The following OXA1L variants were observed in gnomAD, a reference collection of about 807,000 sequenced individuals.
OXA1L encodes the protein mitochondrial inner membrane protein OXA1L.
In OXA1L, 42 loss-of-function variants were observed where a neutral mutation model predicts 52.2. The ratio of observed to expected loss-of-function variants is 0.80; its 90% CI spans 0.63 to 1.04. The LOEUF is 1.04. Among genes scored for constraint, OXA1L ranks in the 50% least tolerant of loss-of-function variants. The pLI is 0.00. For synonymous variants in OXA1L, 239 were observed against 201.9 expected (o/e 1.18, Z -1.56); for missense variants, 572 against 555.0 (o/e 1.03, Z -0.31).
At chr14:22,771,224 TA>T (rs1397792419) in intron 8 of OXA1L, 43 bp from the exon 9 acceptor site, 2 of 1,612,904 alleles carry the variant, frequency 1.2e-6, no homozygotes, top group Non-Finnish European at 1.7e-6. Flanking sequence ...GAAAGGGGTC[TA>T]AAAATAGGAA....
chr14:22,770,402 G>A (rs1290177435), intron 5 of OXA1L, 59 bp from the exon 6 acceptor site: 2 of 1,585,834 alleles, frequency 1.3e-6, no homozygotes, highest in Non-Finnish European at 1.7e-6. Context: ...TTCAGTAGTG[G>A]GGTGATGAAA....
chr14:22,770,546 G>A lies in OXA1L; in HGVS notation c.755G>A (p.Trp252Ter), dbSNP rs765116831. 7.4e-6 allele frequency: 12 copies of A among 1,614,166 alleles called. No individual in the cohort carries two copies. In the African/African-American group the frequency reaches 1.2e-4, roughly 16 times the overall value. ...VPSLQTGGLWWFQDLTVSDPI... is the reference protein window; with the variant it reads ...VPSLQTGGLW ...AGCCTGCAGACAGGTGGCCTCTGGT[G>A]GTTCCAGGATCTCACGGTATCCGAT... Residue 252 changes from tryptophan to a stop codon, truncating the protein, a stop_gained, in exon 6 of 10, where the codon TGG (tryptophan) becomes TAG (stop). Transcript: ENST00000612549. LOFTEE classifies it high-confidence loss of function.
rs1260421113 is a variant in OXA1L, at chr14:22,772,925, G to C, written c.*1367G>C. The C allele has an allele frequency of 5.1e-6, 1 of 196,394 alleles. No homozygotes were observed. The highest frequency in any genetic ancestry group is 1.0e-5 in the Non-Finnish European group (1 of 95,430). 12.2% of individuals were successfully genotyped at this position (196,394 alleles called of 1,614,324 possible). ...GGATAGCTTAAGCCCAGGAGGTTGA[G>C]GCTGCAGTGATCCAAGATCATGCTG... On this transcript the variant is annotated 3_prime_UTR_variant, in exon 10 of 10. Coordinates refer to ENST00000612549, the MANE Select transcript of OXA1L (RefSeq NM_005015.5).
rs1420180810 is a variant in OXA1L at position 22,770,454 on chromosome 14, G to A, written c.670-7G>A. The A allele has an allele frequency of 1.2e-6, 2 of 1,612,192 alleles. No homozygotes were observed. Among genetic ancestry groups the A allele is most frequent in the South Asian group, 1.1e-5 (1 of 91,044 alleles). ...AGCATGCTGACACTGTTTATCTTGTGTAATAGGCCCCAATCTTCATCTCCT... is the reference window on the plus strand; with the variant it reads ...AGCATGCTGACACTGTTTATCTTGTATAATAGGCCCCAATCTTCATCTCCT... On this transcript the variant is annotated splice_region_variant and splice_polypyrimidine_tract_variant and intron_variant, in intron 5 of 9. Coordinates refer to ENST00000612549, the MANE Select transcript of OXA1L (RefSeq NM_005015.5).
At chr14:22,767,549 C>G in intron 2 of OXA1L, 140 bp downstream of exon 2, 1 of 670,008 alleles carries the variant, frequency 1.5e-6, no homozygotes, top group Non-Finnish European at 2.5e-6. Context: ...GATAGCATCT[C>G]TGCTTAGGAT....
chr14:22,771,641 C>T lies in OXA1L; in HGVS notation c.*83C>T, dbSNP rs2038466780. On this transcript the variant is annotated 3_prime_UTR_variant, in exon 10 of 10. Transcript: ENST00000612549. ...AACAAGACTTGACACTGTGTCCTTG[C>T]CCCAGTCCTAGGAACTGTGGCACAC... is the stretch of plus-strand genomic sequence containing the variant. 20 of 1,417,334 alleles carry T rather than the reference C, an allele frequency of 1.4e-5. No homozygotes were observed. The highest frequency in any genetic ancestry group is 8.5e-5 in the Admixed American group (5 of 59,028). 87.8% of individuals were successfully genotyped at this position (1,417,334 alleles called of 1,614,324 possible). A position where few individuals can be genotyped will look rare whatever the true frequency, so the allele number is the denominator to read the frequency against.
In OXA1L at chr14:22,770,241, T is replaced by G; in HGVS notation, c.632T>G (p.Ile211Ser). 1.2e-6 allele frequency: 2 copies of G among 1,612,440 alleles called. No individual in the cohort carries two copies. Among genetic ancestry groups the G allele is most frequent in the Non-Finnish European group, 1.7e-6 (2 of 1,178,490 alleles). ...EMALYQKKHG[I>S]KLYKPLILPV... is the part of the protein sequence containing the mutation. ...GCACTTTACCAGAAAAAACATGGTATTAAACTCTATAAACCTCTCATTCTC... is the reference window on the plus strand; with the variant it reads ...GCACTTTACCAGAAAAAACATGGTAGTAAACTCTATAAACCTCTCATTCTC... The change falls in exon 5 of 10, where the codon ATT (isoleucine) becomes AGT (serine). Residue 211 changes from isoleucine to serine, a missense_variant. Physicochemically the swap from Ile to Ser is moderately radical, Grantham distance 142. Coordinates refer to ENST00000612549, the MANE Select transcript of OXA1L (RefSeq NM_005015.5).
chr14:22,768,678 C>G lies in OXA1L; in HGVS notation c.439+507C>G, dbSNP rs530900936. 5.7e-5 allele frequency: 9 copies of G among 157,304 alleles called. No homozygotes were observed. The South Asian group carries it at 1.5e-3, about 26-fold the overall frequency. 9.7% of individuals were successfully genotyped at this position (157,304 alleles called of 1,614,324 possible). The stretch of plus-strand genomic sequence containing the variant: ...CCATGTGTTACCTGGGGGAAGGTTT[C>G]TTCCCTTCATCCTTAGTTCCCCTTC... On this transcript the variant is annotated intron_variant, in intron 3 of 9. Transcript: ENST00000612549.
Position 22,772,333 on chromosome 14 carries a change from A to G in OXA1L, c.*775A>G, listed in dbSNP as rs1447857167. ...CCCCGTCTCTACTAAAAAAAAAAAA[A>G]AAAAAATTAGCCGGGCATGGCGGCG... is the stretch of plus-strand genomic sequence containing the variant. On this transcript the variant is annotated 3_prime_UTR_variant, in exon 10 of 10. Transcript: ENST00000612549. The G allele has an allele frequency of 6.6e-6, 1 of 150,484 alleles. No individual in the cohort carries two copies. The highest frequency in any genetic ancestry group is 2.0e-4 in the East Asian group (1 of 5,062). The allele number at this position is 150,484 out of a possible 1,614,324, so 9.3% of individuals were successfully genotyped here.
rs567034348 is a variant in OXA1L, at chr14:22,770,535, T to G, written c.744T>G (p.Gly248=). ...ANLPVPSLQT[G]GLWWFQDLTV... ...TTCCTGTGCCCAGCCTGCAGACAGG[T>G]GGCCTCTGGTGGTTCCAGGATCTCA... The change falls in exon 6 of 10, where the codon GGT becomes GGG. Residue 248 remains glycine (G), a synonymous_variant. Transcript: ENST00000612549. 6.2e-7 allele frequency: 1 copy of G among 1,614,190 alleles called. No individual in the cohort carries two copies. Among genetic ancestry groups the G allele is most frequent in the African/African-American group, 1.3e-5 (1 of 75,048 alleles).
Position 22,770,833 on chromosome 14 carries a change from C to G in OXA1L, c.863C>G (p.Ser288Cys), listed in dbSNP as rs145636488. 1.4e-4 allele frequency: 222 copies of G among 1,614,198 alleles called. 1 individual carries two copies. In the African/African-American group the frequency reaches 2.6e-3, roughly 19 times the overall value. Residue 288 changes from serine (S) to cysteine (C), a missense_variant, in exon 7 of 10, where the codon TCT (serine) becomes TGT (cysteine). By Grantham distance (112) the Ser-to-Cys change is moderately radical. This residue lies in a region of OXA1L where 244 missense variants were observed against 240.2 expected (regional missense o/e 1.02). Transcript: ENST00000612549. ...ELGAETGVQS[S>C]DLQWMRNVIR... Reference sequence around the variant, plus strand: ...GGTGCTGAGACAGGTGTGCAAAGTTCTGACCTTCAGTGGATGAGAAATGTC... The same window carrying G: ...GGTGCTGAGACAGGTGTGCAAAGTTGTGACCTTCAGTGGATGAGAAATGTC...
chr14:22,769,828 C>G lies in OXA1L; in HGVS notation c.477C>G (p.Ile159Met). 6.2e-7 allele frequency: 1 copy of G among 1,614,142 alleles called. No homozygotes were observed. The highest frequency in any genetic ancestry group is 8.5e-7 in the Non-Finnish European group (1 of 1,179,998). ...VFARCLIFPL[I>M]VTGQREAARI... ...CCCGCTGCCTGATTTTTCCTCTCAT[C>G]GTGACGGGCCAGCGAGAGGCAGCCA... Residue 159 changes from isoleucine to methionine, a missense_variant, in exon 4 of 10, where the codon ATC becomes ATG. By Grantham distance (10) the Ile-to-Met change is conservative. Around this residue, in one of 5 missense-constraint regions of OXA1L, gnomAD observed 132 missense variants for 124.0 expected, o/e 1.06. Transcript: ENST00000612549.
rs371565550 is a variant in OXA1L, at chr14:22,771,110, C to T, written c.1032C>T (p.Ile344=). 1.2e-5 allele frequency: 19 copies of T among 1,614,020 alleles called. No homozygotes were observed. In the African/African-American group the frequency reaches 2.4e-4, roughly 20 times the overall value. ...RIPAVRTVLK[I]PQRVVHDLDK... ...CAGCAGTACGCACTGTACTTAAAATCCCCCAGCGTGTTGTACATGACCTGG... is the reference window on the plus strand; with the variant it reads ...CAGCAGTACGCACTGTACTTAAAATTCCCCAGCGTGTTGTACATGACCTGG... Residue 344 remains isoleucine (I), a synonymous_variant, in exon 8 of 10, where the codon ATC becomes ATT. Transcript: ENST00000612549.
intron 3 of OXA1L, 42 bp from the exon 4 acceptor site, chr14:22,769,749 A>G: frequency 3.1e-6 from 5 of 1,611,372 alleles, no homozygotes; most frequent in Non-Finnish European, 4.2e-6. Flanking sequence ...CTAGCTGCAG[A>G]ACTGCTTTAA....
Position 22,772,699 on chromosome 14 carries a change from A to T in OXA1L, c.*1141A>T, listed in dbSNP as rs1469594793. The T allele has an allele frequency of 6.6e-6, 1 of 152,336 alleles. No homozygotes were observed. The highest frequency in any genetic ancestry group is 6.5e-5 in the Admixed American group (1 of 15,280). 9.4% of individuals were successfully genotyped at this position (152,336 alleles called of 1,614,324 possible). On this transcript the variant is annotated 3_prime_UTR_variant, in exon 10 of 10. Coordinates refer to ENST00000612549, the MANE Select transcript of OXA1L (RefSeq NM_005015.5). The stretch of plus-strand genomic sequence containing the variant: ...TGTGTGCAAATTCTTAGTGATAATT[A>T]AGAATGAAAGTTCCAGGCTGGGCAA...
intron 3 of OXA1L, chr14:22,768,956 T>C (rs1440588674): frequency 1.3e-5 from 2 of 152,158 alleles, no homozygotes; most frequent in African/African-American, 4.8e-5. Flanking sequence ...GGAGTCTTGC[T>C]CTGTCACCCA....
rs2038452199 is a variant in OXA1L at position 22,770,814 on chromosome 14, G to A, written c.844G>A (p.Glu282Lys). ...CCACTTCTTTTGGCAGCTAGGTGCT[G>A]AGACAGGTGTGCAAAGTTCTGACCT... The part of the protein sequence containing the change: ...TMWAVLELGA[E>K]TGVQSSDLQW... The change falls in exon 7 of 10, where the codon GAG becomes AAG. Residue 282 changes from glutamate to lysine, a missense_variant. Physicochemically the swap from Glu to Lys is moderately conservative, Grantham distance 56. This residue lies in a region of OXA1L where 244 missense variants were observed against 240.2 expected (regional missense o/e 1.02). Coordinates refer to ENST00000612549, the MANE Select transcript of OXA1L (RefSeq NM_005015.5). 6.2e-7 allele frequency: 1 copy of A among 1,614,028 alleles called. No individual in the cohort carries two copies. The highest frequency in any genetic ancestry group is 8.5e-7 in the Non-Finnish European group (1 of 1,179,862).
intron 3 of OXA1L, 143 bp downstream of exon 3, chr14:22,768,314 C>T: frequency 1.6e-6 from 1 of 640,350 alleles, no homozygotes; most frequent in African/African-American, 1.8e-5. Context: ...TTCATGATAC[C>T]TAGATGCACT....
rs115891437 is a variant in OXA1L, at chr14:22,767,389, A to G, written c.205A>G (p.Ile69Val). ...CCCCCGCAGCCTCAGTACCTCTGCT[A>G]TCTCTTTTGCAGAAGTCCAGGTAAG... Reference protein sequence around the residue: ...SGPRSLSTSAISFAEVQVQAP... With the variant: ...SGPRSLSTSAVSFAEVQVQAP... The change falls in exon 2 of 10, where the codon ATC (isoleucine) becomes GTC (valine). Residue 69 changes from isoleucine (I) to valine (V), a missense_variant. By Grantham distance (29) the Ile-to-Val change is conservative. Coordinates refer to ENST00000612549, the MANE Select transcript of OXA1L (RefSeq NM_005015.5). 389 of 1,609,882 alleles carry G rather than the reference A, an allele frequency of 2.4e-4. No homozygotes were observed. The African/African-American group carries it at 4.5e-3, about 18-fold the overall frequency.
Sources: gnomAD v4.1 joint callset for allele counts on GRCh38, gnomAD v4.1.1 for gene constraint, gnomAD v4.1.1 regional missense constraint, MANE v1.5 for transcripts, NCBI Gene and HGNC (gene_info 2026-07-23, HGNC 2026-07-21) for gene names.